MARCHF6: variants seen among roughly 807,000 people sequenced by gnomAD.
MARCHF6 encodes the protein membrane associated ring-CH-type finger 6, also known as E3 ubiquitin-protein ligase MARCHF6.
Under a neutral mutation model 133.7 loss-of-function variants are expected in MARCHF6, and 31 were observed. The observed-to-expected ratio is 0.23, with a 90% CI of 0.17 to 0.31. The LOEUF (loss-of-function observed/expected upper bound fraction) is 0.31, where lower values mean the gene tolerates loss of function less well. Ranked by LOEUF, MARCHF6 falls within the 10% of genes least tolerant of loss-of-function variation. The pLI, the probability that MARCHF6 is intolerant of heterozygous loss-of-function variation, is 1.00. For missense variants in MARCHF6, 723 were observed against 1,121.6 expected (o/e 0.64, Z 5.08); for synonymous variants, 395 against 402.5 (o/e 0.98, Z 0.22).
At chr5:10,404,452 C>T (rs1302672206) in intron 15 of MARCHF6, among the ~76,000 whole-genome samples, 1 of 152,102 alleles carries the variant, frequency 6.6e-6, no homozygotes, top group Non-Finnish European at 1.5e-5. Flanking sequence ...GATTAGTGTA[C>T]ATCTCAAGCT....
At chr5:10,377,196 A>G (rs1045759914) in intron 1 of MARCHF6, among the ~76,000 whole-genome samples, 1 of 152,056 alleles carries the variant, frequency 6.6e-6, no homozygotes, top group Admixed American at 6.5e-5. Flanking sequence ...CCTTCTGCTT[A>G]AGGTGGCTTC....
At chr5:10,383,884 A>G (rs1737308959) in intron 4 of MARCHF6, among the ~76,000 whole-genome samples, 1 of 152,200 alleles carries the variant, frequency 6.6e-6, no homozygotes, top group Non-Finnish European at 1.5e-5. Context: ...AGCTTTTAAA[A>G]TTGCTTATCT....
In MARCHF6 at chr5:10,405,534, A is replaced by G. The variant is rs765009023; in HGVS notation, c.1333-24A>G. ...AATTTGAAGACATTGGTGAATATTCATAGTATTTAAAATATATTTGCAGGT... is the reference window on the plus strand; with the variant it reads ...AATTTGAAGACATTGGTGAATATTCGTAGTATTTAAAATATATTTGCAGGT... On this transcript the variant is annotated intron_variant, in intron 15 of 25. Coordinates refer to ENST00000274140, the MANE Select transcript of MARCHF6 (RefSeq NM_005885.4). 25 of 1,573,406 alleles carry G rather than the reference A, an allele frequency of 1.6e-5. No individual in the cohort carries two copies. In the South Asian group the frequency reaches 2.1e-4, roughly 13 times the overall value.
chr5:10,432,717 C>G (rs956632777), intron 25 of MARCHF6, among the ~76,000 whole-genome samples: 20 of 152,204 alleles, frequency 1.3e-4, no homozygotes, highest in African/African-American at 4.3e-4. Flanking sequence ...CTTCTCCTTT[C>G]ATCACATACA....
At position 10,400,841 on chromosome 5, in the gene MARCHF6, A is replaced by C. The variant is rs760625865; in HGVS notation, c.971A>C (p.His324Pro). 1 of 1,603,706 alleles carries C rather than the reference A, an allele frequency of 6.2e-7. No homozygotes were observed. The highest frequency in any genetic ancestry group is 1.1e-5 in the South Asian group (1 of 90,876). The stretch of plus-strand genomic sequence containing the variant: ...CTTGTTGGTTTGGGATTTGAAGAAC[A>C]CGTGAGTATAATACTTTTACAAAGT... ...FSLVGLGFEEHVQASHFEGLI... is the reference protein window; with the variant it reads ...FSLVGLGFEEPVQASHFEGLI... Residue 324 changes from histidine to proline, a missense_variant and splice_region_variant, in exon 11 of 26, where the codon CAC becomes CCC. His to Pro is a moderately conservative substitution (Grantham distance 77). Coordinates refer to ENST00000274140, the MANE Select transcript of MARCHF6 (RefSeq NM_005885.4).
intron 1 of MARCHF6, among the ~76,000 whole-genome samples, chr5:10,375,089 A>C (rs1055274363): frequency 2.0e-5 from 3 of 152,164 alleles, no homozygotes; most frequent in African/African-American, 7.2e-5. Flanking sequence ...CCACCACTGC[A>C]CTGTGGGAGC....
Position 10,353,848 on chromosome 5 carries a change from G to A in MARCHF6, c.-51G>A. The A allele has an allele frequency of 6.5e-7, 1 of 1,535,460 alleles. No homozygotes were observed. Among genetic ancestry groups the A allele is most frequent in the Non-Finnish European group, 8.8e-7 (1 of 1,141,280 alleles). ...CCTCCTCTCCCCTCCCTCTTTCCCC[G>A]CCCGGCCGCGGGAGCCTCGTGGCTG... On this transcript the variant is annotated 5_prime_UTR_variant, in exon 1 of 26. Transcript: ENST00000274140.
intron 25 of MARCHF6, 76 bp downstream of exon 25, chr5:10,430,104 TAGG>T (rs1740292230): frequency 6.7e-7 from 1 of 1,490,802 alleles, no homozygotes. Context: ...TGACAAATCA[TAGG>T]AGGGAAACAT....
chr5:10,392,050 C>T (rs1281561965), intron 7 of MARCHF6, among the ~76,000 whole-genome samples: 1 of 151,818 alleles, frequency 6.6e-6, no homozygotes, highest in Non-Finnish European at 1.5e-5. Flanking sequence ...GCTCCGCCTC[C>T]TGGGTTCACG....
intron 20 of MARCHF6, among the ~76,000 whole-genome samples, chr5:10,415,283 G>T (rs1406909551): frequency 6.6e-6 from 1 of 152,132 alleles, no homozygotes; most frequent in Non-Finnish European, 1.5e-5. Flanking sequence ...CGCCTCCATT[G>T]AACTTACCTT....
chr5:10,432,141 C>G (rs1241800078), intron 25 of MARCHF6, among the ~76,000 whole-genome samples: 1 of 152,184 alleles, frequency 6.6e-6, no homozygotes, highest in African/African-American at 2.4e-5. Flanking sequence ...GGCTTGTGTG[C>G]ATTTACAGAA....
At chr5:10,356,343 A>ATTTATTTTATTTTAT (rs56348470) in intron 1 of MARCHF6, among the ~76,000 whole-genome samples, 3,304 of 101,466 alleles carry the variant, frequency 0.033, 179 homozygotes, top group African/African-American at 0.038. Context: ...TCTGTTTTTT[A>ATTTATTTTATTTTAT]TTTATTTTAT....
At chr5:10,428,629 A>G (rs1173100987) in intron 24 of MARCHF6, among the ~76,000 whole-genome samples, 1 of 152,192 alleles carries the variant, frequency 6.6e-6, no homozygotes, top group Non-Finnish European at 1.5e-5. Flanking sequence ...GGCATGAGCT[A>G]CCACACCCAG....
Position 10,433,999 on chromosome 5 carries a change from T to A in MARCHF6, c.*315T>A, listed in dbSNP as rs1740489964. 1 of 280,642 alleles carries A rather than the reference T, an allele frequency of 3.6e-6. No individual in the cohort carries two copies. The highest frequency in any genetic ancestry group is 6.9e-6 in the Non-Finnish European group (1 of 144,548). The allele number at this position is 280,642 out of a possible 1,614,324, so 17.4% of individuals were successfully genotyped here. On this transcript the variant is annotated 3_prime_UTR_variant, in exon 26 of 26. Coordinates refer to ENST00000274140, the MANE Select transcript of MARCHF6 (RefSeq NM_005885.4). ...AATTTATTAAATCTAGTTGTCACTT[T>A]ATTTTGGACCTGCTGTGATCTCGAC...
In MARCHF6 at chr5:10,378,825, T is replaced by C; in HGVS notation, c.183T>C (p.Phe61=). The change falls in exon 3 of 26, where the codon TTT becomes TTC. Residue 61 remains phenylalanine, a synonymous_variant. Transcript: ENST00000274140. ...AATTATGCAAGCACAGATTTGCTTT[T>C]ACACCAAGTAAGTTCTTTAGACATT... is the stretch of plus-strand genomic sequence containing the variant. The part of the protein sequence containing the change: ...YCELCKHRFA[F]TPIYSPDMPS... 1 of 1,607,580 alleles carries C rather than the reference T, an allele frequency of 6.2e-7. No homozygotes were observed. Among genetic ancestry groups the C allele is most frequent in the Non-Finnish European group, 8.5e-7 (1 of 1,175,912 alleles).
rs989618401 is a variant in MARCHF6, at chr5:10,370,067, A to G, written c.20-7731A>G. On this transcript the variant is annotated intron_variant, in intron 1 of 25. Coordinates refer to ENST00000274140, the MANE Select transcript of MARCHF6 (RefSeq NM_005885.4). The stretch of plus-strand genomic sequence containing the variant: ...TTATTTTCATTTTTTTGCCCTTTCA[A>G]TAGGTATGGGAGTATCTTACTGTGA... Among the ~76,000 whole-genome samples the G allele has an allele frequency of 2.8e-5, 4 of 143,272 alleles. No individual in the cohort carries two copies. In the East Asian group the frequency reaches 6.0e-4, roughly 21 times the overall value. 94.0% of individuals were successfully genotyped at this position (143,272 alleles called of 152,430 possible). A position where few individuals can be genotyped will look rare whatever the true frequency, so the allele number is the denominator to read the frequency against.
At chr5:10,394,359 A>G (rs1579572686) in intron 8 of MARCHF6, among the ~76,000 whole-genome samples, 1 of 152,330 alleles carries the variant, frequency 6.6e-6, no homozygotes, top group South Asian at 2.1e-4. Flanking sequence ...TGCTCCATTT[A>G]GGAAATGTTT....
intron 1 of MARCHF6, among the ~76,000 whole-genome samples, chr5:10,364,037 C>T (rs957976841): frequency 6.6e-6 from 1 of 152,050 alleles, no homozygotes; most frequent in Non-Finnish European, 1.5e-5. Flanking sequence ...GTGATGGTTG[C>T]GTAACTGTAA....
At chr5:10,392,966 G>C (rs910959316) in intron 7 of MARCHF6, among the ~76,000 whole-genome samples, 1 of 152,148 alleles carries the variant, frequency 6.6e-6, no homozygotes, top group African/African-American at 2.4e-5. Context: ...CTGCATTCCT[G>C]GAGTTTCTGG....
Sources: gnomAD v4.1 joint callset for allele counts (sites outside exome capture counted in the v4.1 genomes callset) on GRCh38, gnomAD v4.1.1 for gene constraint, MANE v1.5 for transcripts, NCBI Gene and HGNC (gene_info 2026-07-23, HGNC 2026-07-21) for gene names.